The following ZNF254 variants were observed in gnomAD, a reference collection of about 807,000 sequenced individuals.
ZNF254 encodes CTD-2017D11.1.
ZNF254 carries 10 observed loss-of-function variants against 12.4 expected under a neutral mutation model. That is an observed-to-expected ratio of 0.80 (90% confidence interval 0.50 to 1.36). The LOEUF is 1.36. Ranked by LOEUF, ZNF254 falls within the 40% of genes most tolerant of loss-of-function variation. ZNF254 has a pLI of 0.00. For synonymous variants in ZNF254, 305 were observed against 253.4 expected (o/e 1.20, Z -1.93); for missense variants, 996 against 763.9 (o/e 1.30, Z -3.58).
intron 1 of ZNF254, among the ~76,000 whole-genome samples, chr19:24,089,216 T>TA (rs1972219472): frequency 6.6e-6 from 1 of 152,166 alleles, no homozygotes; most frequent in Non-Finnish European, 1.5e-5. Context: ...CCTCGGGTGA[T>TA]ACGCCCGCCT....
In ZNF254 at chr19:24,127,091, C is replaced by A. The variant is rs773411581; in HGVS notation, c.1091C>A (p.Thr364Asn). Residue 364 changes from threonine to asparagine, a missense_variant, in exon 4 of 4, where the codon ACC becomes AAC. Thr to Asn is a moderately conservative substitution (Grantham distance 65). Transcript: ENST00000357002. ...ECGKAFSQSS[T>N]LTTHKIIHTG... ...GGCAAAGCTTTTAGCCAGTCCTCAA[C>A]CCTTACTACACATAAGATAATTCAT... 2 of 1,612,768 alleles carry A rather than the reference C, an allele frequency of 1.2e-6. No individual in the cohort carries two copies. Among genetic ancestry groups the A allele is most frequent in the Non-Finnish European group, 8.5e-7 (1 of 1,179,584 alleles).
Position 24,088,964 on chromosome 19 carries a change from C to CT in ZNF254, c.30+1656dup, listed in dbSNP as rs74175785. On this transcript the variant is annotated intron_variant, in intron 1 of 3. Transcript: ENST00000357002. ...GAGCCATCTCGCCTGGCCAATTAATCTTTTTTTTTTTTTTTTTTTTTTTTT... is the reference window on the plus strand; with the variant it reads ...GAGCCATCTCGCCTGGCCAATTAATCTTTTTTTTTTTTTTTTTTTTTTTTTT... Among the ~76,000 whole-genome samples, 521 of 99,236 alleles carry CT rather than the reference C, an allele frequency of 5.3e-3. 38 individuals carry two copies. Among genetic ancestry groups the CT allele is most frequent in the African/African-American group, 0.01 (188 of 18,688 alleles). The allele number at this position is 99,236 out of a possible 152,430, so 65.1% of individuals were successfully genotyped here. A position where few individuals can be genotyped will look rare whatever the true frequency, so the allele number is the denominator to read the frequency against.
At chr19:24,064,896 A>T (rs1205097371) in intron 2 of ZNF254, among the ~76,000 whole-genome samples, 3 of 152,174 alleles carry the variant, frequency 2.0e-5, no homozygotes, top group African/African-American at 7.2e-5. Context: ...GTGGGCTCTC[A>T]CACAGAACTA....
rs1975084460 is a variant in ZNF254, at chr19:24,129,157, G to C, written c.*1177G>C. On this transcript the variant is annotated 3_prime_UTR_variant, in exon 4 of 4. Transcript: ENST00000357002. ...ATAATATTGAGTGATGCATGAGGTA[G>C]GTGTTCAGAATAATATTCCTCTGCA... 1 of 151,802 alleles carries C rather than the reference G, an allele frequency of 6.6e-6. No homozygotes were observed. The highest frequency in any genetic ancestry group is 1.5e-5 in the Non-Finnish European group (1 of 67,842). 9.4% of individuals were successfully genotyped at this position (151,802 alleles called of 1,614,324 possible).
intron 2 of ZNF254, among the ~76,000 whole-genome samples, chr19:24,082,142 G>A (rs1971866615): frequency 6.6e-6 from 1 of 150,806 alleles, no homozygotes; most frequent in Non-Finnish European, 1.5e-5. Context: ...AAAAAAAAAA[G>A]ATAATATCGA....
intron 3 of ZNF254, among the ~76,000 whole-genome samples, chr19:24,126,007 T>C (rs1375973973): frequency 6.6e-6 from 1 of 152,202 alleles, no homozygotes; most frequent in Non-Finnish European, 1.5e-5. Context: ...TTTTCTTCTT[T>C]GTGTTTTTTT....
At chr19:24,074,733 G>A (rs1971599019) in intron 2 of ZNF254, among the ~76,000 whole-genome samples, 1 of 152,188 alleles carries the variant, frequency 6.6e-6, no homozygotes, top group South Asian at 2.1e-4. Context: ...TATGTGATGT[G>A]ACTCTTCTCA....
At chr19:24,109,968 A>ATCTG (rs1373134553) in intron 3 of ZNF254, among the ~76,000 whole-genome samples, 2 of 150,666 alleles carry the variant, frequency 1.3e-5, no homozygotes, top group Non-Finnish European at 3.0e-5. Flanking sequence ...ACCTTGGGTG[A>ATCTG]TCTGCTTGCC....
At chr19:24,124,243 T>C (rs1218580996) in intron 3 of ZNF254, among the ~76,000 whole-genome samples, 1 of 152,152 alleles carries the variant, frequency 6.6e-6, no homozygotes, top group Non-Finnish European at 1.5e-5. Flanking sequence ...AATTTGTTCT[T>C]ATTATACCTT....
Position 24,127,997 on chromosome 19 carries a change from T to A in ZNF254, c.*17T>A, listed in dbSNP as rs753773731. 6.6e-7 allele frequency: 1 copy of A among 1,521,178 alleles called. No individual in the cohort carries two copies. The highest frequency in any genetic ancestry group is 8.8e-7 in the Non-Finnish European group (1 of 1,141,366). 94.2% of individuals were successfully genotyped at this position (1,521,178 alleles called of 1,614,324 possible). A position where few individuals can be genotyped will look rare whatever the true frequency, so the allele number is the denominator to read the frequency against. On this transcript the variant is annotated 3_prime_UTR_variant, in exon 4 of 4. Transcript: ENST00000357002. The stretch of plus-strand genomic sequence containing the variant: ...CAAGTATGAATAATGTGCCAAAGCC[T>A]AAGAAAACCCTCAATTCTTAATAGA...
At chr19:24,126,048 C>CT (rs1296442060) in intron 3 of ZNF254, among the ~76,000 whole-genome samples, 9 of 152,142 alleles carry the variant, frequency 5.9e-5, no homozygotes, top group Non-Finnish European at 8.8e-5. Context: ...ACTGCACACA[C>CT]TTAAATCATT....
At chr19:24,100,676 CTCTCTCT>C (rs1972962982) in intron 1 of ZNF254, among the ~76,000 whole-genome samples, 1 of 100,236 alleles carries the variant, frequency 1.0e-5, no homozygotes, top group African/African-American at 6.4e-5. Flanking sequence ...TTGTATGTCT[CTCTCTCT>C]TTTTTTTTTT....
intron 3 of ZNF254, among the ~76,000 whole-genome samples, chr19:24,111,449 G>GTC (rs1319398520): frequency 6.6e-6 from 1 of 152,120 alleles, no homozygotes; most frequent in African/African-American, 2.4e-5. Flanking sequence ...ATGATTTATA[G>GTC]TCCTTTGGGT....
Position 24,128,232 on chromosome 19 carries a change from C to T in ZNF254, c.*252C>T. 2.4e-6 allele frequency: 1 copy of T among 408,720 alleles called. No individual in the cohort carries two copies. The highest frequency in any genetic ancestry group is 4.3e-6 in the Non-Finnish European group (1 of 233,530). The allele number at this position is 408,720 out of a possible 1,614,324, so 25.3% of individuals were successfully genotyped here. Reference sequence around the variant, plus strand: ...TACCAGTGTGAACAACGTGGCCAAGCTTCGACAATGCTCACACCCTATTGC... The same window carrying T: ...TACCAGTGTGAACAACGTGGCCAAGTTTCGACAATGCTCACACCCTATTGC... On this transcript the variant is annotated 3_prime_UTR_variant, in exon 4 of 4. Coordinates refer to ENST00000357002, the MANE Select transcript of ZNF254 (RefSeq NM_203282.4).
Position 24,075,760 on chromosome 19 carries a change from A to G in ZNF254, c.-94+29481A>G, listed in dbSNP as rs548048693. ...GAATTCACCAGGCTGTAATTTCCTAATCCTAGCAAGCCTGGGGGCGCTGCA... is the reference window on the plus strand; with the variant it reads ...GAATTCACCAGGCTGTAATTTCCTAGTCCTAGCAAGCCTGGGGGCGCTGCA... On this transcript the variant is annotated intron_variant, in intron 2 of 4. Transcript: ENST00000613065. Among the ~76,000 whole-genome samples, 144 of 152,316 alleles carry G rather than the reference A, an allele frequency of 9.5e-4. 1 individual carries two copies. The highest frequency in any genetic ancestry group is 3.4e-3 in the African/African-American group (140 of 41,568).
chr19:24,099,145 T>G (rs1013124784), intron 1 of ZNF254, among the ~76,000 whole-genome samples: 1 of 150,634 alleles, frequency 6.6e-6, no homozygotes, highest in Non-Finnish European at 1.5e-5. Context: ...ACAGGTGCCC[T>G]CCACCATGCC....
intron 3 of ZNF254, among the ~76,000 whole-genome samples, chr19:24,116,639 G>T (rs916864386): frequency 3.5e-5 from 5 of 144,668 alleles, no homozygotes; most frequent in African/African-American, 1.1e-4. Context: ...CCTTTGGTTT[G>T]AATTTCCTCC....
upstream of ZNF254, among the ~76,000 whole-genome samples, chr19:24,083,652 A>G (rs1971927411): frequency 6.6e-6 from 1 of 152,214 alleles, no homozygotes; most frequent in African/African-American, 2.4e-5. Context: ...AAGCACATGC[A>G]ACATGAAACA....
chr19:24,113,343 G>A (rs1489402689), intron 3 of ZNF254, among the ~76,000 whole-genome samples: 2 of 152,120 alleles, frequency 1.3e-5, no homozygotes, highest in East Asian at 3.9e-4. Context: ...ATGATCAAGT[G>A]GGCTTCATCC....
Sources: gnomAD v4.1 joint callset for allele counts (sites outside exome capture counted in the v4.1 genomes callset) on GRCh38, gnomAD v4.1.1 for gene constraint, MANE v1.5 for transcripts, NCBI Gene and HGNC (gene_info 2026-07-23, HGNC 2026-07-21) for gene names.